Variants in LUC7L3 observed in about 807,000 individuals in gnomAD.
LUC7L3 encodes the protein LUC7 like 3 pre-mRNA splicing factor.
In LUC7L3, 6 loss-of-function variants were observed where a neutral mutation model predicts 66.8. The observed-to-expected ratio is 0.09, with a 90% confidence interval of 0.05 to 0.18. The LOEUF (loss-of-function observed/expected upper bound fraction) is 0.18. Ranked by LOEUF, LUC7L3 falls within the 10% of genes least tolerant of loss-of-function variation. The probability of loss-of-function intolerance (pLI) is 1.00; values close to 1 mark genes in which losing one functional copy is unlikely to be tolerated. For missense variants in LUC7L3, 341 were observed against 531.1 expected, an observed-to-expected ratio of 0.64 and a Z score of 3.52; for synonymous variants, 160 against 174.7, an observed-to-expected ratio of 0.92 and a Z score of 0.66.
chr17:50,738,640 T>C (rs1308086576), intron 2 of LUC7L3, among the ~76,000 whole-genome samples: 1 of 152,072 alleles, frequency 6.6e-6, no homozygotes, highest in Non-Finnish European at 1.5e-5. Context: ...ACCAGAAAGA[T>C]TTGAAAATAA....
At chr17:50,739,868 G>C (rs1282104769) in intron 2 of LUC7L3, among the ~76,000 whole-genome samples, 1 of 152,176 alleles carries the variant, frequency 6.6e-6, no homozygotes, top group East Asian at 1.9e-4. Context: ...GAAGAGTTAA[G>C]ATAATTGCTT....
chr17:50,733,398 G>GTTTT lies in LUC7L3; in HGVS notation c.100-3544_100-3541dup, dbSNP rs35236108. ...AGGCACCTGCCACCACGCCTGGCTA[G>GTTTT]TTTTTTTTTTTTTTTTTTTTTGAGA... On this transcript the variant is annotated intron_variant, in intron 1 of 9. Transcript: ENST00000505658. Among the ~76,000 whole-genome samples the GTTTT allele has an allele frequency of 2.1e-3, 203 of 98,286 alleles. 14 individuals carry two copies. In the East Asian group the frequency reaches 0.031, roughly 15 times the overall value. 64.5% of individuals were successfully genotyped at this position (98,286 alleles called of 152,430 possible).
At chr17:50,745,219 C>T (rs1468255624) in intron 7 of LUC7L3, among the ~76,000 whole-genome samples, 1 of 152,014 alleles carries the variant, frequency 6.6e-6, no homozygotes, top group Non-Finnish European at 1.5e-5. Context: ...TCTTGAACTC[C>T]TGCCTCAGGT....
rs931317167 is a variant in LUC7L3 at position 50,751,783 on chromosome 17, A to G, written c.*1122A>G. On this transcript the variant is annotated 3_prime_UTR_variant, in exon 10 of 10. Transcript: ENST00000505658. ...GTGAATAGCAAGGACAGACACCTTC[A>G]ATTTGTGAAATCAAAGAACTGATGC... 16 of 1,018,202 alleles carry G rather than the reference A, an allele frequency of 1.6e-5. No homozygotes were observed. Among genetic ancestry groups the G allele is most frequent in the Non-Finnish European group, 1.9e-5 (16 of 849,102 alleles). The allele number at this position is 1,018,202 out of a possible 1,614,324, so 63.1% of individuals were successfully genotyped here. A position where few individuals can be genotyped will look rare whatever the true frequency, so the allele number is the denominator to read the frequency against.
intron 1 of LUC7L3, among the ~76,000 whole-genome samples, chr17:50,729,210 T>C (rs1969406666): frequency 6.6e-6 from 1 of 152,134 alleles, no homozygotes; most frequent in Admixed American, 6.5e-5. Context: ...ATTACCCAGT[T>C]TTTGGTGAAT....
At position 50,719,845 on chromosome 17, in the gene LUC7L3, G is replaced by A. The variant is rs916710740; in HGVS notation, c.99+14G>A. ...GACCACGAGAGCGTAAGTCCCGCGG[G>A]CCTTGGCCTGAGCCCGGGCTCCGTG... is the stretch of plus-strand genomic sequence containing the variant. On this transcript the variant is annotated intron_variant, in intron 1 of 9. Coordinates refer to ENST00000505658, the MANE Select transcript of LUC7L3 (RefSeq NM_016424.5). 2.2e-5 allele frequency: 32 copies of A among 1,451,732 alleles called. No individual in the cohort carries two copies. The highest frequency in any genetic ancestry group is 6.1e-5 in the African/African-American group (2 of 33,036). 89.9% of individuals were successfully genotyped at this position (1,451,732 alleles called of 1,614,324 possible). A position where few individuals can be genotyped will look rare whatever the true frequency, so the allele number is the denominator to read the frequency against.
At chr17:50,738,052 A>G (rs182488259) in intron 2 of LUC7L3, 21 of 412,222 alleles carry the variant, frequency 5.1e-5, no homozygotes, top group Admixed American at 2.4e-4. Flanking sequence ...AGAATGTAAA[A>G]CAGAGTAAAT....
intron 1 of LUC7L3, among the ~76,000 whole-genome samples, chr17:50,721,775 A>G (rs1399738447): frequency 6.6e-6 from 1 of 152,206 alleles, no homozygotes; most frequent in Non-Finnish European, 1.5e-5. Context: ...AACCCATTAT[A>G]TGCTGAAAAG....
chr17:50,721,258 T>C (rs1007721814), intron 1 of LUC7L3, among the ~76,000 whole-genome samples: 8 of 152,186 alleles, frequency 5.3e-5, no homozygotes. Flanking sequence ...AAGAGAAAAA[T>C]GCTTTCCATT....
chr17:50,725,001 TCCTC>T (rs1170374759), intron 1 of LUC7L3, among the ~76,000 whole-genome samples: 3 of 152,126 alleles, frequency 2.0e-5, no homozygotes, highest in African/African-American at 7.2e-5. Context: ...CAACAAGTGA[TCCTC>T]CCTCGGCCTC....
intron 1 of LUC7L3, among the ~76,000 whole-genome samples, chr17:50,727,315 A>G (rs1265652117): frequency 6.6e-6 from 1 of 152,194 alleles, no homozygotes; most frequent in African/African-American, 2.4e-5. Flanking sequence ...TACAAGAAGC[A>G]TTGTAGCTGG....
At chr17:50,735,649 C>T (rs956156068) in intron 1 of LUC7L3, among the ~76,000 whole-genome samples, 1 of 152,046 alleles carries the variant, frequency 6.6e-6, no homozygotes, top group African/African-American at 2.4e-5. Flanking sequence ...GGGACTGTGC[C>T]ACCATGCCTG....
Position 50,750,948 on chromosome 17 carries a change from A to AT in LUC7L3, c.*289dup. ...CGCCCACATTTGTAATATAGTCGCCATTGAAAAGTTAATTATCCTTTTTTT... is the reference window on the plus strand; with the variant it reads ...CGCCCACATTTGTAATATAGTCGCCATTTGAAAAGTTAATTATCCTTTTTTT... On this transcript the variant is annotated 3_prime_UTR_variant, in exon 10 of 10. Transcript: ENST00000505658. 1.3e-6 allele frequency: 2 copies of AT among 1,505,554 alleles called. No individual in the cohort carries two copies. The highest frequency in any genetic ancestry group is 1.8e-6 in the Non-Finnish European group (2 of 1,133,356). 93.3% of individuals were successfully genotyped at this position (1,505,554 alleles called of 1,614,324 possible).
chr17:50,749,509 C>T (rs1349396850), intron 9 of LUC7L3, among the ~76,000 whole-genome samples: 2 of 152,176 alleles, frequency 1.3e-5, no homozygotes, highest in Non-Finnish European at 2.9e-5. Context: ...GTGGGTGCCC[C>T]TCCCATACCA....
At chr17:50,737,448 C>T (rs941148536) in intron 2 of LUC7L3, 2 of 393,576 alleles carry the variant, frequency 5.1e-6, no homozygotes, top group South Asian at 1.9e-5. Context: ...ATCAGCAGAA[C>T]CCTGGACAGG....
At chr17:50,744,923 T>C (rs538373714) in intron 7 of LUC7L3, 110 bp downstream of exon 7, 14 of 806,048 alleles carry the variant, frequency 1.7e-5, no homozygotes, top group Non-Finnish European at 2.3e-5. Flanking sequence ...GCAATTCTCA[T>C]GCCTCAGCCT....
At chr17:50,736,764 C>T (rs946305528) in intron 1 of LUC7L3, 196 bp from the exon 2 acceptor site, 1 of 542,898 alleles carries the variant, frequency 1.8e-6, no homozygotes. Context: ...AATACGAGTA[C>T]TGCAGATTTA....
intron 9 of LUC7L3, among the ~76,000 whole-genome samples, chr17:50,749,737 A>G (rs775784653): frequency 1.3e-5 from 2 of 152,188 alleles, no homozygotes; most frequent in Admixed American, 1.3e-4. Flanking sequence ...TGTTGGGGGA[A>G]TACTTGGAAC....
chr17:50,722,804 C>G (rs1968881953), intron 1 of LUC7L3: 1 of 152,220 alleles, frequency 6.6e-6, no homozygotes, highest in African/African-American at 2.4e-5. Context: ...ACAGGCATTT[C>G]CAACTTTGTA....
Sources: allele counts gnomAD v4.1 joint callset (sites outside exome capture counted in the v4.1 genomes callset), GRCh38; gene constraint gnomAD v4.1.1; transcripts MANE v1.5; gene names NCBI Gene and HGNC (gene_info 2026-07-23, HGNC 2026-07-21).